Variants in SHB observed in about 807,000 individuals in gnomAD.
The protein encoded by SHB is SH2 domain containing adaptor protein B.
In SHB, 20 loss-of-function variants were observed where a neutral mutation model predicts 52.3. The ratio of observed to expected loss-of-function variants is 0.38; its 90% confidence interval spans 0.27 to 0.56. The LOEUF (loss-of-function observed/expected upper bound fraction) is 0.56. Among genes scored for constraint, SHB ranks in the 20% least tolerant of loss-of-function variants. The pLI is 0.71. For synonymous variants in SHB, 397 were observed against 316.5 expected (o/e 1.25, Z -2.70); for missense variants, 825 against 723.3 (o/e 1.14, Z -1.61).
chr9:38,000,704 A>C (rs1443856259), intron 2 of SHB, among the ~76,000 whole-genome samples: 1 of 152,206 alleles, frequency 6.6e-6, no homozygotes, highest in African/African-American at 2.4e-5. Context: ...TCAGTCCTAT[A>C]AAGTGCATGG....
chr9:38,003,974 C>A (rs1240149955), intron 2 of SHB, among the ~76,000 whole-genome samples: 1 of 152,164 alleles, frequency 6.6e-6, no homozygotes, highest in African/African-American at 2.4e-5. Context: ...AGGGCAGGAG[C>A]TGGCCCGGGG....
chr9:37,965,611 CTG>C (rs1820502727), intron 3 of SHB, among the ~76,000 whole-genome samples: 1 of 148,514 alleles, frequency 6.7e-6, no homozygotes, highest in Non-Finnish European at 1.5e-5. Context: ...GAGTCTCACT[CTG>C]TTGCCCAGGC....
intron 1 of SHB, among the ~76,000 whole-genome samples, chr9:38,033,863 C>A (rs1013153403): frequency 6.6e-5 from 10 of 152,248 alleles, no homozygotes; most frequent in Non-Finnish European, 1.3e-4. Flanking sequence ...CTGACACCCC[C>A]CCAGCACCAC....
chr9:38,021,183 C>CA (rs1587247966), intron 1 of SHB, among the ~76,000 whole-genome samples: 1 of 151,694 alleles, frequency 6.6e-6, no homozygotes, highest in East Asian at 1.9e-4. Flanking sequence ...CCTAAAAACA[C>CA]AAAAAAATTA....
At chr9:38,009,063 T>C (rs1213638332) in intron 2 of SHB, among the ~76,000 whole-genome samples, 1 of 152,120 alleles carries the variant, frequency 6.6e-6, no homozygotes, top group Non-Finnish European at 1.5e-5. Context: ...AAGGCTGAAG[T>C]CTCAGGCAGG....
At chr9:38,008,548 CACA>C (rs1385219551) in intron 2 of SHB, among the ~76,000 whole-genome samples, 2 of 152,242 alleles carry the variant, frequency 1.3e-5, no homozygotes, top group Non-Finnish European at 2.9e-5. Flanking sequence ...CAACAGATTT[CACA>C]ACATTTCAAA....
intron 1 of SHB, among the ~76,000 whole-genome samples, chr9:38,055,454 G>A (rs1212769563): frequency 6.6e-6 from 1 of 152,112 alleles, no homozygotes; most frequent in Non-Finnish European, 1.5e-5. Context: ...GGGGTGCAGA[G>A]GAAGAACCTG....
At chr9:38,015,726 C>T (rs1193824815) in intron 2 of SHB, among the ~76,000 whole-genome samples, 4 of 152,204 alleles carry the variant, frequency 2.6e-5, no homozygotes, top group African/African-American at 9.7e-5. Flanking sequence ...TACTTTTTCT[C>T]CCTCCTCTCC....
At chr9:37,995,113 T>C (rs1470387127) in intron 2 of SHB, among the ~76,000 whole-genome samples, 1 of 152,118 alleles carries the variant, frequency 6.6e-6, no homozygotes, top group Non-Finnish European at 1.5e-5. Flanking sequence ...CCAGACAAGC[T>C]TCCTCACTCG....
chr9:38,016,795 T>C (rs2118079568), intron 1 of SHB, among the ~76,000 whole-genome samples: 1 of 152,252 alleles, frequency 6.6e-6, no homozygotes, highest in South Asian at 2.1e-4. Flanking sequence ...CGACAACACA[T>C]GGGTAAACTG....
At chr9:38,035,976 G>A (rs528210165) in intron 1 of SHB, among the ~76,000 whole-genome samples, 18 of 152,246 alleles carry the variant, frequency 1.2e-4, no homozygotes, top group Non-Finnish European at 2.6e-4. Context: ...AGAAACAGGC[G>A]CGTGCAAAAC....
intron 5 of SHB, among the ~76,000 whole-genome samples, chr9:37,939,144 C>G (rs1479723564): frequency 6.6e-6 from 1 of 152,220 alleles, no homozygotes; most frequent in Admixed American, 6.5e-5. Context: ...AAACTTCTCT[C>G]TCATCAGGTA....
intron 1 of SHB, among the ~76,000 whole-genome samples, chr9:38,022,387 C>T (rs149803044): frequency 1.2e-4 from 18 of 152,298 alleles, no homozygotes; most frequent in East Asian, 3.9e-4. Context: ...GCTAAAAATG[C>T]GGTTTGGTGT....
At chr9:38,039,821 C>T (rs1006990065) in intron 1 of SHB, among the ~76,000 whole-genome samples, 4 of 152,246 alleles carry the variant, frequency 2.6e-5, no homozygotes, top group African/African-American at 9.6e-5. Flanking sequence ...AGGCCACAGG[C>T]CTCTGGGGCA....
intron 1 of SHB, among the ~76,000 whole-genome samples, chr9:38,034,178 C>T (rs561497815): frequency 2.6e-5 from 4 of 152,268 alleles, no homozygotes; most frequent in Admixed American, 1.3e-4. Context: ...AGTGTACTAA[C>T]GCCCCTCATA....
chr9:37,972,225 T>A (rs1820598587), intron 3 of SHB, among the ~76,000 whole-genome samples: 1 of 152,174 alleles, frequency 6.6e-6, no homozygotes, highest in African/African-American at 2.4e-5. Flanking sequence ...TTTTAGCCCT[T>A]TAATCAAACT....
At chr9:38,051,107 T>A (rs752737585) in intron 1 of SHB, among the ~76,000 whole-genome samples, 3 of 152,130 alleles carry the variant, frequency 2.0e-5, no homozygotes, top group Non-Finnish European at 4.4e-5. Flanking sequence ...ACTTCTACCC[T>A]AGTTTGCAGG....
Position 37,919,401 on chromosome 9 carries a change from G to C in SHB, c.*420C>G, listed in dbSNP as rs1055485670. 1 of 162,700 alleles carries C rather than the reference G, an allele frequency of 6.1e-6. No homozygotes were observed. Among genetic ancestry groups the C allele is most frequent in the African/African-American group, 2.4e-5 (1 of 41,666 alleles). The allele number at this position is 162,700 out of a possible 1,614,324, so 10.1% of individuals were successfully genotyped here. A position where few individuals can be genotyped will look rare whatever the true frequency, so the allele number is the denominator to read the frequency against. On this transcript the variant is annotated 3_prime_UTR_variant, in exon 6 of 6. Transcript: ENST00000377707. The stretch of plus-strand genomic sequence containing the variant: ...CAGCATTTGGCTCCCAGCATCAGTA[G>C]GGGGGCTCCTGTGGGAAAACTTTGC...
chr9:38,017,888 A>G (rs1389185148), intron 1 of SHB, among the ~76,000 whole-genome samples: 2 of 152,094 alleles, frequency 1.3e-5, no homozygotes, highest in African/African-American at 2.4e-5. Flanking sequence ...TGCAGAATAC[A>G]TTAGGGAGAA....
Sources: allele counts gnomAD v4.1 joint callset (sites outside exome capture counted in the v4.1 genomes callset), GRCh38; gene constraint gnomAD v4.1.1; transcripts MANE v1.5; gene names NCBI Gene and HGNC (gene_info 2026-07-23, HGNC 2026-07-21).